CPS1: variants seen among roughly 807,000 people sequenced by gnomAD.
CPS1 encodes the protein carbamoyl-phosphate synthase 1.
In CPS1, 109 loss-of-function variants were observed where a neutral mutation model predicts 174.6. That is an observed-to-expected ratio of 0.62 (90% CI 0.53 to 0.73). CPS1 has a LOEUF of 0.73. Ranked by LOEUF, CPS1 falls within the 30% of genes least tolerant of loss-of-function variation. CPS1 has a pLI of 0.00. For missense variants in CPS1, 1,689 were observed against 1,821.9 expected, an observed-to-expected ratio of 0.93 and a Z score of 1.33; for synonymous variants, 637 against 632.0, an observed-to-expected ratio of 1.01 and a Z score of -0.12.
intron 25 of CPS1, 65 bp from the exon 26 acceptor site, chr2:210,647,798 T>C (rs536560517): frequency 1.3e-6 from 2 of 1,511,056 alleles, no homozygotes; most frequent in African/African-American, 2.7e-5. Context: ...AGACACAATA[T>C]TAGCATAGTT....
chr2:210,577,646 T>G, intron 4 of CPS1, 136 bp downstream of exon 4: 1 of 760,340 alleles, frequency 1.3e-6, no homozygotes, highest in Non-Finnish European at 2.4e-6. Context: ...TTCCTTCTCT[T>G]ACTACATAAA....
intron 19 of CPS1, 147 bp downstream of exon 19, chr2:210,608,706 A>G (rs1699011796): frequency 1.3e-6 from 1 of 745,048 alleles, no homozygotes; most frequent in African/African-American, 1.7e-5. Flanking sequence ...AGTTGCCTGA[A>G]TATTAGCATA....
chr2:210,526,130 G>A (rs1226012190), intron 1 of CPS1, among the ~76,000 whole-genome samples: 1 of 151,848 alleles, frequency 6.6e-6, no homozygotes, highest in Admixed American at 6.6e-5. Flanking sequence ...ACTAACACAC[G>A]AACAGAAAAC....
At chr2:210,530,259 A>G (rs1696083837) in intron 1 of CPS1, among the ~76,000 whole-genome samples, 1 of 152,092 alleles carries the variant, frequency 6.6e-6, no homozygotes, top group African/African-American at 2.4e-5. Flanking sequence ...TTTCAAATAG[A>G]TTAGACTCTT....
intron 34 of CPS1, among the ~76,000 whole-genome samples, chr2:210,668,735 C>G (rs1288042091): frequency 6.6e-6 from 1 of 152,088 alleles, no homozygotes; most frequent in African/African-American, 2.4e-5. Context: ...AGTACCTACT[C>G]TTCTATCTAT....
chr2:210,606,060 G>T (rs1202936688), intron 17 of CPS1, among the ~76,000 whole-genome samples: 2 of 151,896 alleles, frequency 1.3e-5, no homozygotes, highest in African/African-American at 4.8e-5. Flanking sequence ...CAAATGCTAT[G>T]CAAGACCAAG....
intron 1 of CPS1, among the ~76,000 whole-genome samples, chr2:210,527,896 G>A (rs1316462721): frequency 6.6e-6 from 1 of 151,704 alleles, no homozygotes. Context: ...GTTGCATCAG[G>A]GGCTCAGAGA....
chr2:210,536,005 G>T (rs1171914602), intron 1 of CPS1, among the ~76,000 whole-genome samples: 1 of 151,842 alleles, frequency 6.6e-6, no homozygotes, highest in African/African-American at 2.4e-5. Context: ...AACTTATTTG[G>T]AGAGATTACA....
At position 210,579,868 on chromosome 2, in the gene CPS1, A is replaced by T. The variant is rs1697856297; in HGVS notation, c.528+98A>T. 6 of 988,888 alleles carry T rather than the reference A, an allele frequency of 6.1e-6. No individual in the cohort carries two copies. In the South Asian group the frequency reaches 7.7e-5, roughly 13 times the overall value. 61.3% of individuals were successfully genotyped at this position (988,888 alleles called of 1,614,324 possible). ...CTCAGTGCCTAAGGGATCCATTAAT[A>T]TGTAAAGGAGTGAATCTGGCCAGCT... On this transcript the variant is annotated intron_variant, in intron 5 of 37. Coordinates refer to ENST00000233072, the MANE Select transcript of CPS1 (RefSeq NM_001875.5).
chr2:210,602,427 T>G, intron 16 of CPS1, 97 bp downstream of exon 16: 1 of 1,427,796 alleles, frequency 7.0e-7, no homozygotes, highest in Non-Finnish European at 9.8e-7. Flanking sequence ...AAATTACATT[T>G]TCTTTATTAA....
intron 32 of CPS1, among the ~76,000 whole-genome samples, chr2:210,661,145 G>T (rs1054180610): frequency 6.6e-6 from 1 of 152,174 alleles, no homozygotes; most frequent in Non-Finnish European, 1.5e-5. Context: ...GCTGTATATG[G>T]TGCTGTGCGG....
In CPS1 at chr2:210,602,295, C is replaced by T. The variant is rs1223773062; in HGVS notation, c.1801C>T (p.Pro601Ser). The change falls in exon 16 of 38, where the codon CCC becomes TCC. Residue 601 changes from proline to serine, a missense_variant. By Grantham distance (74) the Pro-to-Ser change is moderately conservative. Transcript: ENST00000233072. ...GGGTGGGTTAGGCTCAGGCATCTGT[C>T]CCAACAGAGAGACTTTGATGGACCT... Reference protein sequence around the residue: ...ALGGLGSGICPNRETLMDLST... With the variant: ...ALGGLGSGICSNRETLMDLST... 6.2e-7 allele frequency: 1 copy of T among 1,612,596 alleles called. No individual in the cohort carries two copies. The highest frequency in any genetic ancestry group is 1.7e-5 in the Admixed American group (1 of 59,870).
chr2:210,599,688 G>A lies in CPS1; in HGVS notation c.1549+127G>A, dbSNP rs557754350. On this transcript the variant is annotated intron_variant, in intron 14 of 37. Coordinates refer to ENST00000233072, the MANE Select transcript of CPS1 (RefSeq NM_001875.5). ...AACCTTTCCTCTACTGTGTGAGAAA[G>A]CAGTTAGCAAACAGCCACTTAATAT... 32 of 1,019,818 alleles carry A rather than the reference G, an allele frequency of 3.1e-5. No homozygotes were observed. The African/African-American group carries it at 4.7e-4, about 15-fold the overall frequency. The allele number at this position is 1,019,818 out of a possible 1,614,324, so 63.2% of individuals were successfully genotyped here.
In CPS1 at chr2:210,605,148, G is replaced by T. The variant is rs1275599086; in HGVS notation, c.1883G>T (p.Gly628Val). 8 of 1,612,116 alleles carry T rather than the reference G, an allele frequency of 5.0e-6. No individual in the cohort carries two copies. The highest frequency in any genetic ancestry group is 1.1e-5 in the South Asian group (1 of 91,044). ...ATTCTGGTGGAGAAGTCAGTGACAG[G>T]TTGGAAAGAAATAGAATATGAAGTG... ...NQILVEKSVTGWKEIEYEVVR... is the reference protein window; with the variant it reads ...NQILVEKSVTVWKEIEYEVVR... Residue 628 changes from glycine (G) to valine (V), a missense_variant, in exon 17 of 38, where the codon GGT becomes GTT. Gly to Val is a moderately radical substitution (Grantham distance 109, BLOSUM62 -3). Transcript: ENST00000233072.
At chr2:210,616,005 A>G (rs983980890) in intron 20 of CPS1, among the ~76,000 whole-genome samples, 8 of 152,178 alleles carry the variant, frequency 5.3e-5, no homozygotes, top group Admixed American at 2.0e-4. Context: ...CCTACAAGAT[A>G]ACTATCAACA....
chr2:210,667,461 T>G (rs889034051), intron 33 of CPS1, among the ~76,000 whole-genome samples: 7 of 152,182 alleles, frequency 4.6e-5, no homozygotes, highest in Admixed American at 6.5e-5. Flanking sequence ...ATTTGACTTG[T>G]AGTTATATTG....
intron 1 of CPS1, among the ~76,000 whole-genome samples, chr2:210,564,562 G>C (rs1697227378): frequency 6.6e-6 from 1 of 152,006 alleles, no homozygotes; most frequent in Admixed American, 6.5e-5. Context: ...ATTTTTAGTA[G>C]AGACGGGGTT....
intron 16 of CPS1, chr2:210,604,872 C>CT (rs926939607): frequency 5.7e-6 from 3 of 530,306 alleles, no homozygotes; most frequent in African/African-American, 3.8e-5. Context: ...CATATCAGCA[C>CT]TTTGAATGGC....
intron 13 of CPS1, among the ~76,000 whole-genome samples, chr2:210,598,797 C>G (rs1270936045): frequency 6.6e-6 from 1 of 151,804 alleles, no homozygotes; most frequent in Non-Finnish European, 1.5e-5. Flanking sequence ...TAGTATTAAA[C>G]AAATCATTGA....
Sources: gnomAD v4.1 joint callset for allele counts (sites outside exome capture counted in the v4.1 genomes callset) on GRCh38, gnomAD v4.1.1 for gene constraint, MANE v1.5 for transcripts, NCBI Gene and HGNC (gene_info 2026-07-23, HGNC 2026-07-21) for gene names.